The following BNC2 variants were observed in gnomAD, a reference collection of about 807,000 sequenced individuals.
BNC2 encodes zinc finger protein basonuclin-2.
In BNC2, 20 loss-of-function variants were observed where a neutral mutation model predicts 76.3. The observed-to-expected ratio is 0.26, with a 90% CI of 0.18 to 0.38. The LOEUF (loss-of-function observed/expected upper bound fraction) is 0.38. Ranked by LOEUF, BNC2 falls within the 10% of genes least tolerant of loss-of-function variation. The pLI is 1.00. For synonymous variants in BNC2, 582 were observed against 514.8 expected, an observed-to-expected ratio of 1.13 and a Z score of -1.77; for missense variants, 1,382 against 1,399.8, an observed-to-expected ratio of 0.99 and a Z score of 0.20.
intron 1 of BNC2, among the ~76,000 whole-genome samples, chr9:16,786,820 G>C (rs1003178520): frequency 6.6e-6 from 1 of 152,076 alleles, no homozygotes; most frequent in Non-Finnish European, 1.5e-5. Flanking sequence ...TTGATCTGCG[G>C]CACAATAACT....
intron 3 of BNC2, among the ~76,000 whole-genome samples, chr9:16,590,444 C>T (rs531842149): frequency 6.6e-6 from 1 of 151,986 alleles, no homozygotes; most frequent in South Asian, 2.1e-4. Flanking sequence ...CCACCTGCCT[C>T]GGCCTCCCAA....
intron 3 of BNC2, among the ~76,000 whole-genome samples, chr9:16,650,776 C>CAAAAAAATTATTCA (rs1490407622): frequency 6.6e-6 from 1 of 151,982 alleles, no homozygotes; most frequent in African/African-American, 2.4e-5. Context: ...TTCCAGGTAG[C>CAAAAAAATTATTCA]AAAAAAATTA....
chr9:16,704,326 G>C (rs931898934), intron 3 of BNC2, among the ~76,000 whole-genome samples: 2 of 152,170 alleles, frequency 1.3e-5, no homozygotes, highest in Non-Finnish European at 2.9e-5. Context: ...AGGAAGGATA[G>C]GGGTTGGGGG....
chr9:16,514,237 C>A (rs1450082405), intron 5 of BNC2, among the ~76,000 whole-genome samples: 1 of 152,228 alleles, frequency 6.6e-6, no homozygotes, highest in Non-Finnish European at 1.5e-5. Context: ...CCAGACCATG[C>A]AGCCTGAGAG....
intron 3 of BNC2, among the ~76,000 whole-genome samples, chr9:16,720,405 T>C (rs960235313): frequency 1.3e-5 from 2 of 152,192 alleles, no homozygotes. Context: ...AGAATAACCT[T>C]GTATTTAGGT....
intron 6 of BNC2, chr9:16,431,492 G>C (rs755237132): frequency 4.3e-5 from 20 of 469,580 alleles, no homozygotes; most frequent in Non-Finnish European, 5.7e-5. Context: ...CTCTTCCTAG[G>C]AAAGATTTCA....
intron 1 of BNC2, among the ~76,000 whole-genome samples, chr9:16,786,961 A>G (rs1413023951): frequency 2.0e-5 from 3 of 152,198 alleles, no homozygotes; most frequent in African/African-American, 7.2e-5. Context: ...TCTGACAATC[A>G]GTGATTAAAC....
At chr9:16,664,130 C>T (rs749828932) in intron 3 of BNC2, among the ~76,000 whole-genome samples, 2 of 152,062 alleles carry the variant, frequency 1.3e-5, no homozygotes, top group African/African-American at 2.4e-5. Context: ...GGAAATACCA[C>T]GACAAAAAAA....
intron 3 of BNC2, among the ~76,000 whole-genome samples, chr9:16,666,859 T>C (rs1373508300): frequency 6.6e-6 from 1 of 152,250 alleles, no homozygotes; most frequent in Non-Finnish European, 1.5e-5. Flanking sequence ...GTTAGCATTA[T>C]TCAACCTGAA....
intron 3 of BNC2, among the ~76,000 whole-genome samples, chr9:16,678,444 T>A (rs1017218382): frequency 1.3e-5 from 2 of 150,868 alleles, no homozygotes; most frequent in African/African-American, 4.9e-5. Context: ...ATTTTCTGTA[T>A]TTTTTTATTA....
chr9:16,611,018 T>C lies in BNC2; in HGVS notation c.331-27933A>G, dbSNP rs377285031. Among the ~76,000 whole-genome samples the C allele has an allele frequency of 1.0e-3, 158 of 152,242 alleles. 3 individuals are homozygous for C. In the South Asian group the frequency reaches 0.03, roughly 29 times the overall value. On this transcript the variant is annotated intron_variant, in intron 3 of 6. Transcript: ENST00000380672. ...AGCATGAAAACAATTTATGAAATTA[T>C]AGAAACAGACTGAACACAGCAGTTC...
chr9:16,506,749 G>C lies in BNC2; in HGVS notation c.669+45781C>G, dbSNP rs565563565. On this transcript the variant is annotated intron_variant, in intron 5 of 6. Transcript: ENST00000380672. The stretch of plus-strand genomic sequence containing the variant: ...CCATGTTGGCCAGGCTGTTTGTTTG[G>C]TTTTTTTTGTTTGTTTGTTTGTTTG... Among the ~76,000 whole-genome samples the C allele has an allele frequency of 5.4e-5, 8 of 149,222 alleles. 1 individual carries two copies. Among genetic ancestry groups the C allele is most frequent in the Admixed American group, 5.4e-4 (8 of 14,940 alleles).
intron 1 of BNC2, among the ~76,000 whole-genome samples, chr9:16,844,618 C>T (rs201456783): frequency 6.6e-6 from 1 of 151,628 alleles, no homozygotes; most frequent in South Asian, 2.1e-4. Flanking sequence ...CCTGCCTCAG[C>T]CTCCCGAGTA....
At chr9:16,481,710 C>T (rs894311508) in intron 5 of BNC2, among the ~76,000 whole-genome samples, 32 of 152,004 alleles carry the variant, frequency 2.1e-4, no homozygotes, top group African/African-American at 7.7e-4. Context: ...TTTTTAAAGC[C>T]AACAAGTTGT....
chr9:16,779,017 G>A (rs532001829), intron 1 of BNC2, among the ~76,000 whole-genome samples: 1 of 149,628 alleles, frequency 6.7e-6, no homozygotes, highest in East Asian at 2.0e-4. Context: ...TCAGACTCCT[G>A]CCTGTAATCC....
At chr9:16,450,282 T>C (rs1023611767) in intron 5 of BNC2, among the ~76,000 whole-genome samples, 3 of 152,202 alleles carry the variant, frequency 2.0e-5, no homozygotes, top group East Asian at 1.9e-4. Flanking sequence ...TGAGCATCTT[T>C]AAATAATAAT....
chr9:16,866,327 C>A (rs1819541811), intron 1 of BNC2, among the ~76,000 whole-genome samples: 1 of 151,876 alleles, frequency 6.6e-6, no homozygotes, highest in South Asian at 2.1e-4. Flanking sequence ...AAGAAAATTT[C>A]TCTCTGGAAT....
chr9:16,646,776 A>T (rs895095806), intron 3 of BNC2, among the ~76,000 whole-genome samples: 37 of 152,278 alleles, frequency 2.4e-4, no homozygotes, highest in Middle Eastern at 3.4e-3. Context: ...GGGTTAAATT[A>T]AAAAAATCCT....
At chr9:16,581,300 C>T (rs1215211488) in intron 4 of BNC2, among the ~76,000 whole-genome samples, 2 of 152,152 alleles carry the variant, frequency 1.3e-5, no homozygotes, top group African/African-American at 4.8e-5. Context: ...TGGCTCACAC[C>T]TATAATCCCA....
Sources: gnomAD v4.1 joint callset for allele counts (sites outside exome capture counted in the v4.1 genomes callset) on GRCh38, gnomAD v4.1.1 for gene constraint, MANE v1.5 for transcripts, NCBI Gene and HGNC (gene_info 2026-07-23, HGNC 2026-07-21) for gene names.